UAP1: variants seen among roughly 807,000 people sequenced by gnomAD.
UAP1 encodes UDP-N-acetylhexosamine pyrophosphorylase.
Under a neutral mutation model 58.5 loss-of-function variants are expected in UAP1, and 25 were observed. The ratio of observed to expected loss-of-function variants is 0.43; its 90% CI spans 0.31 to 0.60. UAP1 has a LOEUF of 0.60. UAP1 is among the 20% of genes least tolerant of loss of function. UAP1 has a pLI of 0.11. For missense variants in UAP1, 575 were observed against 630.0 expected (o/e 0.91, Z 0.93); for synonymous variants, 208 against 213.0 (o/e 0.98, Z 0.21).
chr1:162,570,785 T>C (rs549967633), intron 2 of UAP1, among the ~76,000 whole-genome samples: 1 of 152,342 alleles, frequency 6.6e-6, no homozygotes, highest in African/African-American at 2.4e-5. Context: ...CCTTTATTCC[T>C]ACCAGTTGAG....
At chr1:162,583,047 G>A (rs1014066344) in intron 5 of UAP1, among the ~76,000 whole-genome samples, 6 of 151,308 alleles carry the variant, frequency 4.0e-5, no homozygotes, top group Non-Finnish European at 4.4e-5. Flanking sequence ...GCAGGATCTC[G>A]GCTCACTGCA....
At chr1:162,562,989 A>C (rs1169838221) in intron 1 of UAP1, among the ~76,000 whole-genome samples, 1 of 152,228 alleles carries the variant, frequency 6.6e-6, no homozygotes, top group East Asian at 1.9e-4. Flanking sequence ...GATTATTACC[A>C]AATTTTTCAT....
chr1:162,581,671 G>A (rs924979325), intron 5 of UAP1, among the ~76,000 whole-genome samples: 2 of 152,178 alleles, frequency 1.3e-5, no homozygotes, highest in African/African-American at 4.8e-5. Context: ...ACAGGTAAGA[G>A]TTTAAACTAT....
intron 2 of UAP1, among the ~76,000 whole-genome samples, chr1:162,575,575 G>C (rs1654127472): frequency 6.6e-6 from 1 of 150,532 alleles, no homozygotes; most frequent in Admixed American, 6.6e-5. Context: ...GGGATTACAG[G>C]CATGCACCAC....
At chr1:162,589,390 C>T (rs957678778) in intron 7 of UAP1, among the ~76,000 whole-genome samples, 7 of 147,364 alleles carry the variant, frequency 4.8e-5, no homozygotes, top group South Asian at 4.2e-4. Flanking sequence ...TGGCCTCAAG[C>T]GATCTTCCCA....
chr1:162,584,080 TGAC>T lies in UAP1; in HGVS notation c.834+2622_834+2624del, dbSNP rs373885802. Among the ~76,000 whole-genome samples, 202 of 152,362 alleles carry T rather than the reference TGAC, an allele frequency of 1.3e-3. 1 individual carries two copies. The highest frequency in any genetic ancestry group is 4.4e-3 in the African/African-American group (182 of 41,590). Reference sequence around the variant, plus strand: ...CCATACTCTTCAGATTAGTTTTTGCTGACAGTTCAAAAATCTTTAAACTGGTGT... The same window carrying T: ...CCATACTCTTCAGATTAGTTTTTGCTAGTTCAAAAATCTTTAAACTGGTGT... On this transcript the variant is annotated intron_variant, in intron 5 of 10. Transcript: ENST00000271469.
At chr1:162,577,615 A>AT (rs932041556) in intron 3 of UAP1, among the ~76,000 whole-genome samples, 8 of 146,904 alleles carry the variant, frequency 5.4e-5, no homozygotes, top group Admixed American at 1.4e-4. Context: ...TGCCTGGCTA[A>AT]TTTTTTTTTC....
intron 5 of UAP1, among the ~76,000 whole-genome samples, chr1:162,585,423 ATTT>A (rs1187473631): frequency 3.4e-5 from 5 of 146,554 alleles, no homozygotes; most frequent in Non-Finnish European, 6.0e-5. Context: ...TGCCTGGCTA[ATTT>A]TTTTTTTTAA....
At chr1:162,588,624 A>C in intron 6 of UAP1, 69 bp from the exon 7 acceptor site, 2 of 1,530,654 alleles carry the variant, frequency 1.3e-6, no homozygotes, top group East Asian at 2.4e-5. Context: ...TTTGCTCCTG[A>C]ATGTTGTAAG....
intron 5 of UAP1, among the ~76,000 whole-genome samples, chr1:162,585,606 C>T (rs1322917374): frequency 6.6e-6 from 1 of 152,190 alleles, no homozygotes; most frequent in Non-Finnish European, 1.5e-5. Flanking sequence ...ATTCCCACTT[C>T]ATTCAGTTTA....
At chr1:162,576,565 G>A (rs1654194445) in intron 2 of UAP1, among the ~76,000 whole-genome samples, 1 of 152,046 alleles carries the variant, frequency 6.6e-6, no homozygotes, top group Admixed American at 6.6e-5. Context: ...TGTTATTTCA[G>A]TCCCATGTGA....
intron 2 of UAP1, among the ~76,000 whole-genome samples, chr1:162,569,999 A>G (rs1362479316): frequency 6.6e-6 from 1 of 152,152 alleles, no homozygotes; most frequent in Non-Finnish European, 1.5e-5. Context: ...AATACAAAAA[A>G]TTAGCCAGGT....
chr1:162,568,800 G>A (rs1443445815), intron 2 of UAP1, among the ~76,000 whole-genome samples: 1 of 152,168 alleles, frequency 6.6e-6, no homozygotes, highest in East Asian at 1.9e-4. Context: ...ATTTTAAGGG[G>A]ATGAAGTCTT....
chr1:162,593,848 AGC>A (rs551898079), intron 9 of UAP1: 64 of 152,262 alleles, frequency 4.2e-4, no homozygotes, highest in African/African-American at 1.4e-3. Context: ...GAAATAGAGT[AGC>A]ACCTTCATCA....
At chr1:162,574,560 A>T (rs770876687) in intron 2 of UAP1, among the ~76,000 whole-genome samples, 2 of 152,258 alleles carry the variant, frequency 1.3e-5, no homozygotes, top group Non-Finnish European at 2.9e-5. Context: ...GGCTTAGCCT[A>T]TAATTGTGGC....
At chr1:162,567,073 GTGCCCTT>G (rs1408887296) in intron 2 of UAP1, among the ~76,000 whole-genome samples, 1 of 152,150 alleles carries the variant, frequency 6.6e-6, no homozygotes, top group African/African-American at 2.4e-5. Flanking sequence ...TTAGCTTGAT[GTGCCCTT>G]TGCCCTTTCT....
At chr1:162,598,068 A>G (rs1655715689) in intron 10 of UAP1, among the ~76,000 whole-genome samples, 1 of 152,162 alleles carries the variant, frequency 6.6e-6, no homozygotes, top group Non-Finnish European at 1.5e-5. Context: ...AATTATTGTC[A>G]ATTAAAAATG....
intron 9 of UAP1, 41 bp from the exon 10 acceptor site, chr1:162,597,751 G>T (rs1350934478): frequency 6.4e-7 from 1 of 1,559,684 alleles, no homozygotes; most frequent in Non-Finnish European, 8.8e-7. Flanking sequence ...CAAGTAACAT[G>T]GGAAGCAAAG....
At chr1:162,568,935 A>C (rs1175352032) in intron 2 of UAP1, among the ~76,000 whole-genome samples, 2 of 152,196 alleles carry the variant, frequency 1.3e-5, no homozygotes, top group Non-Finnish European at 2.9e-5. Context: ...GCTAGTCTAC[A>C]TTTATGACTT....
Sources: allele counts gnomAD v4.1 joint callset (sites outside exome capture counted in the v4.1 genomes callset), GRCh38; gene constraint gnomAD v4.1.1; transcripts MANE v1.5; gene names NCBI Gene and HGNC (gene_info 2026-07-23, HGNC 2026-07-21).